The following RNF216 variants were observed in gnomAD, a reference collection of about 807,000 sequenced individuals.
RNF216 encodes ring finger protein 216.
Under a neutral mutation model 110.8 loss-of-function variants are expected in RNF216, and 72 were observed. The observed-to-expected ratio is 0.65, with a 90% confidence interval of 0.54 to 0.79. RNF216 has a LOEUF of 0.79. RNF216 is among the 30% of genes least tolerant of loss of function. The pLI is 0.00. For synonymous variants in RNF216, 495 were observed against 407.5 expected, an observed-to-expected ratio of 1.21 and a Z score of -2.59; for missense variants, 1,342 against 1,141.2, an observed-to-expected ratio of 1.18 and a Z score of -2.54.
intron 5 of RNF216, among the ~76,000 whole-genome samples, chr7:5,733,833 T>C (rs929562598): frequency 1.8e-4 from 28 of 152,300 alleles, no homozygotes; most frequent in Non-Finnish European, 3.8e-4. Flanking sequence ...ACATCATAAC[T>C]CAGTATTGTC....
intron 9 of RNF216, among the ~76,000 whole-genome samples, chr7:5,719,196 C>T (rs1219291112): frequency 1.3e-4 from 20 of 152,076 alleles, no homozygotes; most frequent in Admixed American, 1.2e-3. Context: ...GCCTGGACAG[C>T]ATGGGGAAAC....
chr7:5,683,105 C>T (rs1448227379), intron 13 of RNF216, among the ~76,000 whole-genome samples: 4 of 152,078 alleles, frequency 2.6e-5, no homozygotes, highest in South Asian at 4.2e-4. Context: ...TGTATGTATG[C>T]AATGATTATA....
rs549025190 is a variant in RNF216 at position 5,712,807 on chromosome 7, C to T, written c.1890G>A (p.Leu630=). 3.8e-5 allele frequency: 61 copies of T among 1,613,916 alleles called. No individual in the cohort carries two copies. The highest frequency in any genetic ancestry group is 6.7e-5 in the Admixed American group (4 of 59,990). Residue 630 remains leucine (L), a synonymous_variant, in exon 12 of 17, where the codon CTG becomes CTA. Transcript: ENST00000389902. ...SCTCSFPTSE[L]EKVLPQTILY... The stretch of plus-strand genomic sequence containing the variant: ...GGATGGTCTGGGGGAGCACCTTCTC[C>T]AGCTCACTGGTTGGGAACGAACACG...
chr7:5,730,174 T>C (rs558880180), intron 6 of RNF216, among the ~76,000 whole-genome samples: 1 of 152,300 alleles, frequency 6.6e-6, no homozygotes, highest in South Asian at 2.1e-4. Context: ...CTGAAGTACT[T>C]AGAGGGAAGT....
intron 1 of RNF216, among the ~76,000 whole-genome samples, chr7:5,768,350 C>CACACACAG (rs1157411814): frequency 2.4e-5 from 3 of 125,076 alleles, no homozygotes; most frequent in Non-Finnish European, 4.7e-5. Flanking sequence ...GGCAAATACA[C>CACACACAG]ACACACACAC....
intron 1 of RNF216, among the ~76,000 whole-genome samples, chr7:5,779,426 A>T (rs976521695): frequency 6.6e-6 from 1 of 152,078 alleles, no homozygotes; most frequent in Non-Finnish European, 1.5e-5. Flanking sequence ...AGGCGCAATA[A>T]ATTATGAAAT....
At chr7:5,715,320 TA>T in intron 10 of RNF216, 130 bp from the exon 11 acceptor site, 1 of 774,384 alleles carries the variant, frequency 1.3e-6, no homozygotes, top group African/African-American at 1.7e-5. Context: ...TTAGGGGCCA[TA>T]AAACAATGAT....
At chr7:5,627,641 G>A (rs1166435616) in intron 15 of RNF216, among the ~76,000 whole-genome samples, 1 of 152,028 alleles carries the variant, frequency 6.6e-6, no homozygotes, top group Non-Finnish European at 1.5e-5. Flanking sequence ...CAGCTACTCG[G>A]GAGGCTGAGG....
chr7:5,623,032 G>A lies in RNF216; in HGVS notation c.2600C>T (p.Pro867Leu), dbSNP rs545075166. The change falls in exon 17 of 17, where the codon CCT becomes CTT. Residue 867 changes from proline (P) to leucine (L), a missense_variant. Coordinates refer to ENST00000389902, the MANE Select transcript of RNF216 (RefSeq NM_207111.4). ...GTTGTTGAACACAGGCCGCACGGGAGGCAGGGGGAAGGGTGGGTGCGCGAA... is the reference window on the plus strand; with the variant it reads ...GTTGTTGAACACAGGCCGCACGGGAAGCAGGGGGAAGGGTGGGTGCGCGAA... ...YAFAHPPFPL[P>L]PVRPVFNNFP... 1.9e-6 allele frequency: 3 copies of A among 1,614,112 alleles called. No homozygotes were observed. Among genetic ancestry groups the A allele is most frequent in the South Asian group, 2.2e-5 (2 of 91,088 alleles).
intron 1 of RNF216, among the ~76,000 whole-genome samples, chr7:5,764,082 T>C (rs1481588659): frequency 6.6e-6 from 1 of 151,602 alleles, no homozygotes; most frequent in African/African-American, 2.4e-5. Flanking sequence ...TCCCAGCTAC[T>C]TGGGAGGCTG....
intron 14 of RNF216, among the ~76,000 whole-genome samples, chr7:5,648,912 T>A (rs1788214787): frequency 6.6e-6 from 1 of 152,084 alleles, no homozygotes. Context: ...TAATTTGAGA[T>A]AATTAGTGGA....
intron 15 of RNF216, among the ~76,000 whole-genome samples, chr7:5,633,339 G>A (rs1462509440): frequency 6.6e-6 from 1 of 151,974 alleles, no homozygotes; most frequent in East Asian, 2.0e-4. Flanking sequence ...AATTTGGGAG[G>A]CCTAGGCAGG....
intron 13 of RNF216, among the ~76,000 whole-genome samples, chr7:5,707,717 GGTT>G (rs1792383723): frequency 1.6e-5 from 2 of 128,798 alleles, no homozygotes; most frequent in African/African-American, 6.1e-5. Context: ...GTGTGTGTGT[GGTT>G]TTTTTTTTTT....
chr7:5,714,966 G>C (rs1792948704), intron 11 of RNF216, 87 bp downstream of exon 11: 1 of 1,267,854 alleles, frequency 7.9e-7, no homozygotes, highest in East Asian at 2.4e-5. Flanking sequence ...CACCCTCAAA[G>C]AGGCACTTAC....
At chr7:5,700,985 G>C (rs1390726493) in intron 13 of RNF216, among the ~76,000 whole-genome samples, 1 of 152,082 alleles carries the variant, frequency 6.6e-6, no homozygotes, top group East Asian at 1.9e-4. Flanking sequence ...CATTTCTTCT[G>C]AATGTCATCC....
At chr7:5,672,762 C>A (rs181434202) in intron 13 of RNF216, among the ~76,000 whole-genome samples, 29 of 152,100 alleles carry the variant, frequency 1.9e-4, no homozygotes, top group African/African-American at 7.0e-4. Flanking sequence ...GTGAGCAGCG[C>A]AAGGTAGAGG....
At chr7:5,755,915 G>A (rs1013317950) in intron 2 of RNF216, among the ~76,000 whole-genome samples, 2 of 152,170 alleles carry the variant, frequency 1.3e-5, no homozygotes, top group Non-Finnish European at 2.9e-5. Flanking sequence ...GTGTAGGATA[G>A]TACGTTGCTT....
intron 7 of RNF216, among the ~76,000 whole-genome samples, chr7:5,727,853 C>T (rs1175853623): frequency 6.6e-6 from 1 of 151,808 alleles, no homozygotes; most frequent in Non-Finnish European, 1.5e-5. Context: ...CTCTTCTCAC[C>T]TGGTATCTCT....
chr7:5,707,639 T>C (rs1312987825), intron 13 of RNF216, among the ~76,000 whole-genome samples: 1 of 151,836 alleles, frequency 6.6e-6, no homozygotes, highest in Non-Finnish European at 1.5e-5. Context: ...CAGTGTTATA[T>C]AGCATGGAAG....
Sources: allele counts gnomAD v4.1 joint callset (sites outside exome capture counted in the v4.1 genomes callset), GRCh38; gene constraint gnomAD v4.1.1; transcripts MANE v1.5; gene names NCBI Gene and HGNC (gene_info 2026-07-23, HGNC 2026-07-21).